Variants in TCP11 observed in about 807,000 individuals in gnomAD.
TCP11 encodes T-complex protein 11 homolog.
TCP11 carries 34 observed loss-of-function variants against 45.0 expected under a neutral mutation model. The observed-to-expected ratio is 0.76, with a 90% CI of 0.57 to 1.01. The LOEUF is 1.01. Ranked by LOEUF, TCP11 falls within the 50% of genes least tolerant of loss-of-function variation. The pLI is 0.00. For synonymous variants in TCP11, 227 were observed against 227.0 expected, an observed-to-expected ratio of 1.00 and a Z score of 0.00; for missense variants, 523 against 598.1, an observed-to-expected ratio of 0.87 and a Z score of 1.31.
intron 4 of TCP11, among the ~76,000 whole-genome samples, chr6:35,125,558 T>G (rs1779732733): frequency 6.6e-6 from 1 of 152,242 alleles, no homozygotes; most frequent in African/African-American, 2.4e-5. Context: ...GGTACATTGC[T>G]GGTAGGAATA....
chr6:35,121,043 C>T lies in TCP11; in HGVS notation c.581G>A (p.Gly194Glu). The T allele has an allele frequency of 6.2e-7, 1 of 1,604,692 alleles. No homozygotes were observed. The change falls in exon 6 of 10, where the codon GGG becomes GAG. Residue 194 changes from glycine (G) to glutamate (E), a missense_variant and splice_region_variant. Coordinates refer to ENST00000311875, the MANE Select transcript of TCP11 (RefSeq NM_001370687.1). The stretch of plus-strand genomic sequence containing the variant: ...CATCCGGCCCAGAACCTGGAAGATC[C>T]CTCTGACACAGGGGGAAAGAGAATA... Reference protein sequence around the residue: ...NITDPVWLLRGIFQVLGRMKM... With the variant: ...NITDPVWLLREIFQVLGRMKM...
intron 2 of TCP11, chr6:35,139,970 A>C (rs1781529965): frequency 1.3e-6 from 2 of 1,583,438 alleles, no homozygotes; most frequent in East Asian, 4.5e-5. Context: ...TTAAATAGAC[A>C]CCTCAAAAAC....
intron 1 of TCP11, 114 bp downstream of exon 1, chr6:35,141,091 C>T: frequency 1.6e-6 from 2 of 1,265,810 alleles, no homozygotes; most frequent in Non-Finnish European, 2.0e-6. Context: ...GAAACTAAAG[C>T]CACAGAAGCC....
intron 2 of TCP11, 32 bp downstream of exon 2, chr6:35,140,714 AG>A: frequency 2.7e-6 from 4 of 1,479,470 alleles, no homozygotes; most frequent in Non-Finnish European, 3.6e-6. Flanking sequence ...AGCACCCCCT[AG>A]GGGGCCACAG....
At chr6:35,129,732 CT>C (rs1038210065) in intron 3 of TCP11, among the ~76,000 whole-genome samples, 2 of 151,518 alleles carry the variant, frequency 1.3e-5, no homozygotes, top group Non-Finnish European at 2.9e-5. Flanking sequence ...AGAAAGAAGT[CT>C]TTTTTTTCAC....
chr6:35,121,687 C>G (rs1324942843), intron 5 of TCP11, among the ~76,000 whole-genome samples: 1 of 151,874 alleles, frequency 6.6e-6, no homozygotes, highest in Non-Finnish European at 1.5e-5. Context: ...GTGGTGTGCA[C>G]CTGTAGTCCC....
chr6:35,132,720 T>A lies in TCP11; in HGVS notation c.236+3387A>T, dbSNP rs73748003. Among the ~76,000 whole-genome samples the A allele has an allele frequency of 5.5e-3, 836 of 152,308 alleles. 8 individuals carry two copies. Among genetic ancestry groups the A allele is most frequent in the African/African-American group, 0.016 (658 of 41,576 alleles). On this transcript the variant is annotated intron_variant, in intron 3 of 9. Transcript: ENST00000311875. ...ATCACCATACCTGGAAACCCAGTTC[T>A]GAATACTACTATTTCTCCGGCTTCA... is the stretch of plus-strand genomic sequence containing the variant.
At chr6:35,141,013 G>C in intron 1 of TCP11, 129 bp from the exon 2 acceptor site, 1 of 1,294,200 alleles carries the variant, frequency 7.7e-7, no homozygotes, top group East Asian at 2.9e-5. Context: ...GGGGCAGAAA[G>C]GGGCAAAGGA....
chr6:35,121,516 G>A (rs1779245636), intron 5 of TCP11, among the ~76,000 whole-genome samples: 2 of 151,850 alleles, frequency 1.3e-5, no homozygotes, highest in East Asian at 1.9e-4. Context: ...GAGAAAACCT[G>A]GGAAAGGGCC....
intron 3 of TCP11, 75 bp downstream of exon 3, chr6:35,136,032 A>T: frequency 9.4e-7 from 1 of 1,062,900 alleles, no homozygotes. Context: ...AAATGCTTCA[A>T]GTCTGATCTG....
At chr6:35,140,920 G>C in intron 1 of TCP11, 36 bp from the exon 2 acceptor site, 1 of 1,527,406 alleles carries the variant, frequency 6.5e-7, no homozygotes, top group Non-Finnish European at 8.8e-7. Flanking sequence ...TTGGCGTCGG[G>C]GAAGGGGCCT....
intron 5 of TCP11, among the ~76,000 whole-genome samples, chr6:35,121,640 T>C (rs2127643377): frequency 2.0e-5 from 3 of 151,866 alleles, no homozygotes; most frequent in Admixed American, 2.0e-4. Context: ...TGGTGAAACT[T>C]TGTCTCTATT....
chr6:35,119,160 G>T (rs908706749), intron 9 of TCP11, 68 bp downstream of exon 9: 1 of 1,578,716 alleles, frequency 6.3e-7, no homozygotes, highest in African/African-American at 1.3e-5. Flanking sequence ...TGTTGTTAAA[G>T]GTTGGGGTTC....
At position 35,120,188 on chromosome 6, in the gene TCP11, G is replaced by C. The variant is rs1258139781; in HGVS notation, c.1086C>G (p.Thr362=). 1 of 1,614,190 alleles carries C rather than the reference G, an allele frequency of 6.2e-7. No individual in the cohort carries two copies. Among genetic ancestry groups the C allele is most frequent in the Admixed American group, 1.7e-5 (1 of 60,034 alleles). Residue 362 remains threonine (T), a synonymous_variant, in exon 8 of 10, where the codon ACC becomes ACG. Coordinates refer to ENST00000311875, the MANE Select transcript of TCP11 (RefSeq NM_001370687.1). The surrounding 1 kb of genome is among the most constrained non-coding windows in gnomAD (Gnocchi z 4.9). ...PQFVDKLKRI[T]KSLLEDFHSR... ...AGTGAAAGTCTTCCAACAAGGATTTGGTTATGCGTTTCAGTTTATCTACAA... is the reference window on the plus strand; with the variant it reads ...AGTGAAAGTCTTCCAACAAGGATTTCGTTATGCGTTTCAGTTTATCTACAA...
intron 2 of TCP11, chr6:35,139,925 C>A: frequency 1.5e-6 from 2 of 1,303,702 alleles, no homozygotes; most frequent in Non-Finnish European, 1.1e-6. Context: ...TTTGATTATT[C>A]ATTTTACTGA....
intron 3 of TCP11, among the ~76,000 whole-genome samples, chr6:35,130,720 G>C (rs972594376): frequency 2.0e-5 from 3 of 152,172 alleles, no homozygotes; most frequent in Non-Finnish European, 4.4e-5. Flanking sequence ...AACACTAATG[G>C]CTGACCAGGA....
rs1417463614 is a variant in TCP11, at chr6:35,119,306, T to C, written c.1201A>G (p.Ser401Gly). ...SLKNMGLVAL[S>G]SDNTASLMGQ... ...ATTAGAGATGCTGTATTATCACTGC[T>C]TAGAGCAACAAGGCCCATATTCTTG... is the stretch of plus-strand genomic sequence containing the variant. The change falls in exon 9 of 10, where the codon AGC becomes GGC. Residue 401 changes from serine to glycine, a missense_variant. Physicochemically the swap from Ser to Gly is moderately conservative, Grantham distance 56 (BLOSUM62 0). Coordinates refer to ENST00000311875, the MANE Select transcript of TCP11 (RefSeq NM_001370687.1). 3 of 1,614,218 alleles carry C rather than the reference T, an allele frequency of 1.9e-6. No homozygotes were observed. In the Admixed American group the frequency reaches 5.0e-5, roughly 27 times the overall value.
rs375634528 is a variant in TCP11 at position 35,120,290 on chromosome 6, G to T, written c.984C>A (p.His328Gln). 6.2e-7 allele frequency: 1 copy of T among 1,614,252 alleles called. No individual in the cohort carries two copies. Among genetic ancestry groups the T allele is most frequent in the Admixed American group, 1.7e-5 (1 of 60,030 alleles). ...TRLQELKSQL[H>Q]QLTVMASVLL... ...AGACTGAGGCCATGACGGTTAACTG[G>T]TGCAACTGGGACTTCAGCTCCTGCA... The change falls in exon 8 of 10, where the codon CAC becomes CAA. Residue 328 changes from histidine (H) to glutamine (Q), a missense_variant. By Grantham distance (24) the His-to-Gln change is conservative. Coordinates refer to ENST00000311875, the MANE Select transcript of TCP11 (RefSeq NM_001370687.1). The surrounding 1 kb of genome is among the most constrained non-coding windows in gnomAD (Gnocchi z 4.9).
intron 3 of TCP11, among the ~76,000 whole-genome samples, chr6:35,134,441 T>C (rs6457800): frequency 0.64 from 96,510 of 151,516 alleles, 30,945 homozygotes; most frequent in Middle Eastern, 0.77. Context: ...CCACCATGCC[T>C]GGCTAATTTT....
Sources: gnomAD v4.1 joint callset for allele counts (sites outside exome capture counted in the v4.1 genomes callset) on GRCh38, gnomAD v4.1.1 for gene constraint, Gnocchi (gnomAD v3.1) non-coding constraint, MANE v1.5 for transcripts, NCBI Gene and HGNC (gene_info 2026-07-23, HGNC 2026-07-21) for gene names.